The following RSRC1 variants were observed in gnomAD, a reference collection of about 807,000 sequenced individuals.
RSRC1 encodes the protein arginine and serine rich coiled-coil 1.
Under a neutral mutation model 49.1 loss-of-function variants are expected in RSRC1, and 39 were observed. The observed-to-expected ratio is 0.79, with a 90% CI of 0.61 to 1.04. The LOEUF (loss-of-function observed/expected upper bound fraction) is 1.04. RSRC1 is among the 50% of genes least tolerant of loss of function. The pLI is 0.00. For missense variants in RSRC1, 388 were observed against 402.4 expected (o/e 0.96, Z 0.31); for synonymous variants, 143 against 130.8 (o/e 1.09, Z -0.63).
chr3:158,435,997 C>G (rs925997871), intron 6 of RSRC1, among the ~76,000 whole-genome samples: 4 of 151,724 alleles, frequency 2.6e-5, no homozygotes, highest in Non-Finnish European at 4.4e-5. Flanking sequence ...AATGTCCTTT[C>G]TTGTCTTAAA....
At chr3:158,222,470 A>C (rs950064790) in intron 4 of RSRC1, among the ~76,000 whole-genome samples, 1 of 151,566 alleles carries the variant, frequency 6.6e-6, no homozygotes, top group Non-Finnish European at 1.5e-5. Context: ...TCATTCCCCC[A>C]GTATTTACAT....
rs563018670 is a variant in RSRC1, at chr3:158,275,209, A to G, written c.495-22830A>G. 3.3e-4 allele frequency among the ~76,000 whole-genome samples: 50 copies of G among 152,330 alleles called. No individual in the cohort carries two copies. The Middle Eastern group carries it at 0.01, about 31-fold the overall frequency. On this transcript the variant is annotated intron_variant, in intron 4 of 9. Transcript: ENST00000611884. ...CCACTACCATTAACCATTGAATGCC[A>G]TGAAGCCATGGCACTGAACCAGGAG...
intron 3 of RSRC1, among the ~76,000 whole-genome samples, chr3:158,187,297 G>T (rs1719987281): frequency 6.6e-6 from 1 of 151,834 alleles, no homozygotes; most frequent in South Asian, 2.1e-4. Flanking sequence ...GAAGATCCTT[G>T]GTAATAATAG....
chr3:158,304,907 AT>A (rs1262653815), intron 5 of RSRC1, among the ~76,000 whole-genome samples: 1 of 152,200 alleles, frequency 6.6e-6, no homozygotes, highest in Non-Finnish European at 1.5e-5. Context: ...AAATTAAAAT[AT>A]CTTTAATGTG....
At chr3:158,188,773 A>G (rs912266461) in intron 3 of RSRC1, among the ~76,000 whole-genome samples, 1 of 151,908 alleles carries the variant, frequency 6.6e-6, no homozygotes, top group Non-Finnish European at 1.5e-5. Flanking sequence ...CAACCTTATT[A>G]ATCTTTCAAA....
chr3:158,329,968 C>A (rs565721188), intron 5 of RSRC1, among the ~76,000 whole-genome samples: 1 of 152,302 alleles, frequency 6.6e-6, no homozygotes, highest in South Asian at 2.1e-4. Flanking sequence ...TGCCGCCTTG[C>A]AGTTCGATCT....
intron 7 of RSRC1, among the ~76,000 whole-genome samples, chr3:158,484,164 A>G (rs1324630342): frequency 1.3e-5 from 2 of 152,084 alleles, no homozygotes; most frequent in African/African-American, 4.8e-5. Flanking sequence ...GGCAGAATCT[A>G]ATATCCTGAG....
At chr3:158,125,352 G>A (rs1373807040) in intron 3 of RSRC1, among the ~76,000 whole-genome samples, 2 of 151,804 alleles carry the variant, frequency 1.3e-5, no homozygotes, top group Non-Finnish European at 2.9e-5. Flanking sequence ...AAATGTAGGT[G>A]TTCATGCTAA....
At chr3:158,427,033 T>C (rs775552730) in intron 6 of RSRC1, among the ~76,000 whole-genome samples, 2 of 151,798 alleles carry the variant, frequency 1.3e-5, no homozygotes, top group Non-Finnish European at 2.9e-5. Context: ...CTTAGGATAG[T>C]GGTTCACTCC....
intron 3 of RSRC1, among the ~76,000 whole-genome samples, chr3:158,137,163 GATT>G (rs755473343): frequency 1.3e-5 from 2 of 152,078 alleles, no homozygotes; most frequent in Non-Finnish European, 2.9e-5. Context: ...ATGGATTTTT[GATT>G]ATTAAACCTA....
chr3:158,343,782 AAAAG>A (rs563792277), intron 5 of RSRC1, among the ~76,000 whole-genome samples: 83 of 152,280 alleles, frequency 5.5e-4, no homozygotes, highest in African/African-American at 1.9e-3. Context: ...ACTAGAGAGA[AAAAG>A]AAGGCTTAGA....
chr3:158,382,245 A>G (rs2108282190), intron 6 of RSRC1, among the ~76,000 whole-genome samples: 1 of 152,274 alleles, frequency 6.6e-6, no homozygotes, highest in East Asian at 1.9e-4. Flanking sequence ...GTCACCTCCT[A>G]TGATAATAGT....
intron 7 of RSRC1, among the ~76,000 whole-genome samples, chr3:158,513,734 TG>T (rs1401313834): frequency 1.3e-5 from 2 of 152,250 alleles, no homozygotes; most frequent in Non-Finnish European, 2.9e-5. Flanking sequence ...CATCTGGCTG[TG>T]AATCCATCTG....
chr3:158,401,804 T>G (rs1733906728), intron 6 of RSRC1, among the ~76,000 whole-genome samples: 2 of 152,000 alleles, frequency 1.3e-5, no homozygotes, highest in South Asian at 4.1e-4. Flanking sequence ...AGAAACAAAT[T>G]ACCTTGAATT....
At chr3:158,466,247 A>G (rs750088578) in intron 7 of RSRC1, among the ~76,000 whole-genome samples, 1 of 152,136 alleles carries the variant, frequency 6.6e-6, no homozygotes, top group Non-Finnish European at 1.5e-5. Flanking sequence ...ACATTCAGCT[A>G]TACTCTTTAT....
chr3:158,526,134 C>A (rs1322926330), intron 7 of RSRC1, among the ~76,000 whole-genome samples: 1 of 151,830 alleles, frequency 6.6e-6, no homozygotes, highest in Non-Finnish European at 1.5e-5. Context: ...ATTGATATAG[C>A]AAAATACTCT....
At chr3:158,448,798 G>A (rs1234641487) in intron 6 of RSRC1, among the ~76,000 whole-genome samples, 1 of 151,840 alleles carries the variant, frequency 6.6e-6, no homozygotes, top group African/African-American at 2.4e-5. Context: ...GCTAGTTTGG[G>A]TAATGTTTAA....
rs202050721 is a variant in RSRC1 at position 158,354,997 on chromosome 3, A to C, written c.583+89A>C. On this transcript the variant is annotated intron_variant, in intron 6 of 9. Coordinates refer to ENST00000611884, the MANE Select transcript of RSRC1 (RefSeq NM_001271838.2). ...ATGCTTAGAAATGAGTAAAAAAAAAAACACTATTTTTATATATCCTCACAA... is the reference window on the plus strand; with the variant it reads ...ATGCTTAGAAATGAGTAAAAAAAAACACACTATTTTTATATATCCTCACAA... The C allele has an allele frequency of 2.0e-5, 16 of 818,968 alleles. 1 individual carries two copies. The highest frequency in any genetic ancestry group is 9.0e-5 in the African/African-American group (5 of 55,364). 50.7% of individuals were successfully genotyped at this position (818,968 alleles called of 1,614,324 possible).
At chr3:158,296,801 C>T (rs1359427649) in intron 4 of RSRC1, among the ~76,000 whole-genome samples, 1 of 151,900 alleles carries the variant, frequency 6.6e-6, no homozygotes, top group Non-Finnish European at 1.5e-5. Context: ...GCAGGAAATA[C>T]AGAAGAGAAT....
Sources: allele counts gnomAD v4.1 joint callset (sites outside exome capture counted in the v4.1 genomes callset), GRCh38; gene constraint gnomAD v4.1.1; transcripts MANE v1.5; gene names NCBI Gene and HGNC (gene_info 2026-07-23, HGNC 2026-07-21).